MYO7B: variants seen among roughly 807,000 people sequenced by gnomAD.
MYO7B encodes myosin VIIB.
Under a neutral mutation model 259.7 loss-of-function variants are expected in MYO7B, and 212 were observed. The ratio of observed to expected loss-of-function variants is 0.82; its 90% CI spans 0.73 to 0.91. The LOEUF (loss-of-function observed/expected upper bound fraction) is 0.91, where lower values mean the gene tolerates loss of function less well. MYO7B is among the 40% of genes least tolerant of loss of function. The pLI is 0.00. For synonymous variants in MYO7B, 1,197 were observed against 1,166.4 expected, an observed-to-expected ratio of 1.03 and a Z score of -0.54; for missense variants, 2,732 against 2,813.5, an observed-to-expected ratio of 0.97 and a Z score of 0.66.
chr2:127,630,510 C>T (rs1404475320), intron 35 of MYO7B, among the ~76,000 whole-genome samples: 1 of 152,142 alleles, frequency 6.6e-6, no homozygotes, highest in Non-Finnish European at 1.5e-5. Flanking sequence ...GTCTGAGAAA[C>T]CCAGAGTGCC....
intron 14 of MYO7B, among the ~76,000 whole-genome samples, chr2:127,587,753 G>A (rs910619814): frequency 6.6e-6 from 1 of 151,874 alleles, no homozygotes. Context: ...ATTTTTAGTA[G>A]AGACAGGGTT....
At chr2:127,545,927 G>A (rs189991377) in intron 1 of MYO7B, among the ~76,000 whole-genome samples, 3 of 152,250 alleles carry the variant, frequency 2.0e-5, no homozygotes, top group Admixed American at 2.0e-4. Flanking sequence ...GACCAGCCTG[G>A]GCTAGCCCCA....
chr2:127,555,802 G>C (rs1558796696), intron 1 of MYO7B, among the ~76,000 whole-genome samples: 1 of 152,182 alleles, frequency 6.6e-6, no homozygotes, highest in East Asian at 1.9e-4. Flanking sequence ...ATTGAGACTT[G>C]TTTTGTGGCT....
At position 127,624,248 on chromosome 2, in the gene MYO7B, C is replaced by A; in HGVS notation, c.3975C>A (p.Asp1325Glu). 6.3e-7 allele frequency: 1 copy of A among 1,596,678 alleles called. No individual in the cohort carries two copies. Among genetic ancestry groups the A allele is most frequent in the Non-Finnish European group, 8.5e-7 (1 of 1,172,434 alleles). ...CCCCCTGGCACGACTCCCGGGAGGA[C>A]CCTGTCAGCACCGAGCTTATTTACC... ...FFTPWHDSRE[D>E]PVSTELIYRQ... Residue 1325 changes from aspartate to glutamate, a missense_variant, in exon 30 of 48, where the codon GAC becomes GAA. Coordinates refer to ENST00000409816, the MANE Select transcript of MYO7B (RefSeq NM_001393586.1).
Position 127,607,159 on chromosome 2 carries a change from G to T in MYO7B, c.2425-47G>T. 1 of 1,503,350 alleles carries T rather than the reference G, an allele frequency of 6.7e-7. No homozygotes were observed. The highest frequency in any genetic ancestry group is 8.9e-7 in the Non-Finnish European group (1 of 1,117,594). 93.1% of individuals were successfully genotyped at this position (1,503,350 alleles called of 1,614,324 possible). A position where few individuals can be genotyped will look rare whatever the true frequency, so the allele number is the denominator to read the frequency against. ...GGGGAGCACCCCTCTCTGTTTCCTG[G>T]GGAAGGCCTTCTTGCCCCTGATCTC... On this transcript the variant is annotated intron_variant, in intron 20 of 47. Transcript: ENST00000409816. This position sits in a 1 kb window ranked among gnomAD's most constrained non-coding sequence, Gnocchi z 4.4.
Position 127,613,553 on chromosome 2 carries a change from G to A in MYO7B, c.3398+950G>A, listed in dbSNP as rs1169021991. ...AAATCCAATACCTGGGTCATCTCAC[G>A]GTCAGTCTCTATTAACTGTCTTTTC... On this transcript the variant is annotated intron_variant, in intron 26 of 47. Coordinates refer to ENST00000409816, the MANE Select transcript of MYO7B (RefSeq NM_001393586.1). The surrounding 1 kb of genome is among the most constrained non-coding windows in gnomAD (Gnocchi z 4.3). 1.3e-5 allele frequency among the ~76,000 whole-genome samples: 2 copies of A among 152,086 alleles called. No individual in the cohort carries two copies. The highest frequency in any genetic ancestry group is 2.4e-5 in the African/African-American group (1 of 41,384).
chr2:127,544,101 G>T (rs1434448696), intron 1 of MYO7B, among the ~76,000 whole-genome samples: 2 of 151,860 alleles, frequency 1.3e-5, no homozygotes, highest in Non-Finnish European at 2.9e-5. Flanking sequence ...TTTAGTGATG[G>T]AGTCTTGCTC....
intron 6 of MYO7B, 77 bp downstream of exon 6, chr2:127,569,987 G>T: frequency 6.7e-7 from 1 of 1,491,958 alleles, no homozygotes; most frequent in South Asian, 1.3e-5. Context: ...CATGGGGAGG[G>T]ACAGGATAGG....
At chr2:127,565,943 A>G (rs1678320536) in intron 4 of MYO7B, among the ~76,000 whole-genome samples, 1 of 152,252 alleles carries the variant, frequency 6.6e-6, no homozygotes, top group African/African-American at 2.4e-5. Context: ...TGTGGCCTGC[A>G]GAAGCCACTG....
chr2:127,564,318 C>A, intron 3 of MYO7B, 52 bp downstream of exon 3: 2 of 1,411,666 alleles, frequency 1.4e-6, no homozygotes, highest in South Asian at 1.3e-5. Flanking sequence ...ACATCCAGGG[C>A]CCTGGAGCCC....
At chr2:127,635,646 A>T in intron 43 of MYO7B, 76 bp from the exon 44 acceptor site, 1 of 1,451,982 alleles carries the variant, frequency 6.9e-7, no homozygotes, top group Non-Finnish European at 9.3e-7. Context: ...GTTCCCCACC[A>T]TCTGAGCGGG....
At position 127,615,789 on chromosome 2, in the gene MYO7B, GAATT is replaced by G. The variant is rs1680549863; in HGVS notation, c.3398+3191_3398+3194del. ...TGCAACATCTCTCCCTTTTTGTTTT[GAATT>G]AATTGAGAAAGGCAATTGCAGGCTG... On this transcript the variant is annotated intron_variant, in intron 26 of 47. Coordinates refer to ENST00000409816, the MANE Select transcript of MYO7B (RefSeq NM_001393586.1). This position sits in a 1 kb window ranked among gnomAD's most constrained non-coding sequence, Gnocchi z 4.4. Among the ~76,000 whole-genome samples, 1 of 151,418 alleles carries G rather than the reference GAATT, an allele frequency of 6.6e-6. No homozygotes were observed. Among genetic ancestry groups the G allele is most frequent in the Non-Finnish European group, 1.5e-5 (1 of 67,928 alleles).
Position 127,635,078 on chromosome 2 carries a change from C to T in MYO7B, c.5714-42C>T, listed in dbSNP as rs761020023. On this transcript the variant is annotated intron_variant, in intron 42 of 47. Coordinates refer to ENST00000409816, the MANE Select transcript of MYO7B (RefSeq NM_001393586.1). ...TGGCAGGGGGTCAGGGCTGGTGTAC[C>T]TGCTGGGACAGGCTTGGTGCCCACT... 11 of 1,538,638 alleles carry T rather than the reference C, an allele frequency of 7.1e-6. No homozygotes were observed. In the African/African-American group the frequency reaches 1.5e-4, roughly 21 times the overall value.
At chr2:127,548,622 G>A (rs1693327604) in intron 1 of MYO7B, among the ~76,000 whole-genome samples, 1 of 151,838 alleles carries the variant, frequency 6.6e-6, no homozygotes, top group Non-Finnish European at 1.5e-5. Flanking sequence ...CACCATGTTG[G>A]TCAGGCTGGT....
chr2:127,634,249 C>T lies in MYO7B; in HGVS notation c.5585C>T (p.Ser1862Phe). ...ATTGCCACCAGGCTGCAGCTGGCCT[C>T]CTGGGAGGGCTGCAGCCTCTTCATC... ...DSIATRLQLA[S>F]WEGCSLFIKI... The change falls in exon 41 of 48, where the codon TCC becomes TTC. Residue 1862 changes from serine (S) to phenylalanine (F), a missense_variant. Transcript: ENST00000409816. 1.3e-6 allele frequency: 2 copies of T among 1,594,456 alleles called. No homozygotes were observed. Among genetic ancestry groups the T allele is most frequent in the South Asian group, 1.1e-5 (1 of 87,776 alleles).
chr2:127,631,095 A>G, intron 36 of MYO7B, 111 bp from the exon 37 acceptor site: 1 of 1,425,418 alleles, frequency 7.0e-7, no homozygotes, highest in Non-Finnish European at 9.3e-7. Context: ...GGCTTGCGGC[A>G]GGGTGGGGTG....
chr2:127,604,532 T>C (rs1680090168), intron 19 of MYO7B, among the ~76,000 whole-genome samples: 1 of 152,242 alleles, frequency 6.6e-6, no homozygotes. Flanking sequence ...TCAGGAACTT[T>C]TCGTTCGTAT....
intron 5 of MYO7B, 48 bp from the exon 6 acceptor site, chr2:127,569,741 A>G: frequency 3.8e-6 from 6 of 1,576,066 alleles, no homozygotes; most frequent in Non-Finnish European, 5.2e-6. Flanking sequence ...AGGTGTTGAA[A>G]AAAATAGTCG....
chr2:127,580,876 G>A, intron 10 of MYO7B, 54 bp downstream of exon 10: 1 of 1,520,626 alleles, frequency 6.6e-7, no homozygotes, highest in Non-Finnish European at 9.0e-7. Flanking sequence ...CAGAGGCCTG[G>A]GCTGACAGAC....
Sources: gnomAD v4.1 joint callset for allele counts (sites outside exome capture counted in the v4.1 genomes callset) on GRCh38, gnomAD v4.1.1 for gene constraint, Gnocchi (gnomAD v3.1) non-coding constraint, MANE v1.5 for transcripts, NCBI Gene and HGNC (gene_info 2026-07-23, HGNC 2026-07-21) for gene names.